Variants in ITGA8 observed in about 807,000 individuals in gnomAD.
The protein encoded by ITGA8 is integrin subunit alpha 8, also known as integrin alpha-8.
ITGA8 carries 91 observed loss-of-function variants against 142.3 expected under a neutral mutation model. The ratio of observed to expected loss-of-function variants is 0.64; its 90% CI spans 0.54 to 0.76. The LOEUF is 0.76. Ranked by LOEUF, ITGA8 falls within the 30% of genes least tolerant of loss-of-function variation. The pLI, the probability that ITGA8 is intolerant of heterozygous loss-of-function variation, is 0.00. For synonymous variants in ITGA8, 505 were observed against 485.2 expected (o/e 1.04, Z -0.54); for missense variants, 1,406 against 1,327.7 (o/e 1.06, Z -0.92).
intron 27 of ITGA8, among the ~76,000 whole-genome samples, chr10:15,544,561 G>C (rs1487501904): frequency 2.0e-5 from 3 of 152,128 alleles, no homozygotes; most frequent in African/African-American, 4.8e-5. Context: ...CTTACTCCCA[G>C]CTTTCATCTG....
chr10:15,638,221 T>C (rs1273898776), intron 13 of ITGA8, among the ~76,000 whole-genome samples: 1 of 152,218 alleles, frequency 6.6e-6, no homozygotes, highest in African/African-American at 2.4e-5. Flanking sequence ...CTTATATGTC[T>C]GTGTTTTCGG....
chr10:15,633,957 A>G (rs552211983), intron 13 of ITGA8, among the ~76,000 whole-genome samples: 2 of 152,248 alleles, frequency 1.3e-5, no homozygotes, highest in Non-Finnish European at 2.9e-5. Flanking sequence ...CCCTGATTCA[A>G]TGCTCCCTGT....
intron 11 of ITGA8, among the ~76,000 whole-genome samples, chr10:15,653,866 G>A (rs915895162): frequency 4.1e-5 from 6 of 145,054 alleles, no homozygotes; most frequent in Non-Finnish European, 7.5e-5. Context: ...ACAGAGTCTC[G>A]CTCTGTTGCC....
chr10:15,648,077 G>A (rs1422397899), intron 11 of ITGA8, among the ~76,000 whole-genome samples: 1 of 152,206 alleles, frequency 6.6e-6, no homozygotes, highest in East Asian at 1.9e-4. Flanking sequence ...AGCCAGATGG[G>A]CAGGAAGAGG....
chr10:15,641,413 T>C (rs1157285029), intron 13 of ITGA8, among the ~76,000 whole-genome samples: 1 of 152,186 alleles, frequency 6.6e-6, no homozygotes. Flanking sequence ...TCAACTGTAA[T>C]AAGAGAATCT....
At chr10:15,633,484 C>T (rs367925371) in intron 13 of ITGA8, among the ~76,000 whole-genome samples, 6 of 152,018 alleles carry the variant, frequency 3.9e-5, no homozygotes, top group Non-Finnish European at 7.4e-5. Flanking sequence ...CAGGCTGGAG[C>T]GCAGCAGCAC....
chr10:15,617,526 G>A (rs1833416639), intron 13 of ITGA8, among the ~76,000 whole-genome samples: 1 of 151,934 alleles, frequency 6.6e-6, no homozygotes, highest in African/African-American at 2.4e-5. Flanking sequence ...AGCCTCCCAA[G>A]TAGCTGGGAC....
intron 17 of ITGA8, among the ~76,000 whole-genome samples, chr10:15,607,047 T>A (rs559289818): frequency 2.4e-4 from 36 of 152,324 alleles, no homozygotes; most frequent in Non-Finnish European, 5.1e-4. Context: ...CTTTTCATTC[T>A]TGAGTGTGAT....
chr10:15,718,735 C>T (rs1485631816), intron 2 of ITGA8, 31 bp downstream of exon 2: 10 of 1,610,254 alleles, frequency 6.2e-6, no homozygotes, highest in Non-Finnish European at 8.5e-6. Flanking sequence ...CAAACCCAGG[C>T]CCACAGCTTA....
At chr10:15,674,571 G>A (rs1348975197) in intron 6 of ITGA8, among the ~76,000 whole-genome samples, 3 of 152,194 alleles carry the variant, frequency 2.0e-5, no homozygotes, top group Non-Finnish European at 4.4e-5. Flanking sequence ...ATACCAAAAT[G>A]TTAATTGTTT....
intron 11 of ITGA8, among the ~76,000 whole-genome samples, chr10:15,648,113 G>A (rs967559604): frequency 1.3e-5 from 2 of 152,140 alleles, no homozygotes; most frequent in African/African-American, 4.8e-5. Flanking sequence ...TTCACTATAA[G>A]CCTTCTAAGT....
At chr10:15,532,150 G>T (rs1010755391) in intron 27 of ITGA8, among the ~76,000 whole-genome samples, 1 of 151,910 alleles carries the variant, frequency 6.6e-6, no homozygotes, top group Non-Finnish European at 1.5e-5. Context: ...AAAGATGCCG[G>T]CCGGGCGTGG....
rs543455236 is a variant in ITGA8, at chr10:15,617,429, C to T, written c.1400-870G>A. ...TTTTTTTTCTTTTTTGACAGAGTCT[C>T]GCTCCATCGCCTAGGCTGGAGTGCC... is the stretch of plus-strand genomic sequence containing the variant. On this transcript the variant is annotated intron_variant, in intron 13 of 29. Transcript: ENST00000378076. 9.3e-5 allele frequency among the ~76,000 whole-genome samples: 14 copies of T among 150,390 alleles called. No individual in the cohort carries two copies. In the East Asian group the frequency reaches 2.3e-3, roughly 25 times the overall value.
chr10:15,658,973 T>C (rs1338065329), intron 10 of ITGA8, 26 bp downstream of exon 10: 2 of 1,434,402 alleles, frequency 1.4e-6, no homozygotes, highest in South Asian at 2.4e-5. Context: ...AGTGATTTTA[T>C]TTATTTGATA....
At chr10:15,661,950 G>T (rs1834295385) in intron 8 of ITGA8, among the ~76,000 whole-genome samples, 1 of 152,160 alleles carries the variant, frequency 6.6e-6, no homozygotes, top group Admixed American at 6.5e-5. Flanking sequence ...ACCACAATCA[G>T]ATATAATAGG....
chr10:15,526,915 C>T (rs373826723), intron 28 of ITGA8, among the ~76,000 whole-genome samples: 1 of 152,126 alleles, frequency 6.6e-6, no homozygotes, highest in East Asian at 1.9e-4. Flanking sequence ...CTTTAATATG[C>T]CTACATTTTA....
At chr10:15,592,092 A>G in intron 22 of ITGA8, 133 bp downstream of exon 22, 1 of 562,948 alleles carries the variant, frequency 1.8e-6, no homozygotes, top group Non-Finnish European at 3.2e-6. Context: ...CAAAGAAGAA[A>G]TGGGCTGTGA....
intron 2 of ITGA8, among the ~76,000 whole-genome samples, chr10:15,692,274 A>G (rs565323758): frequency 1.2e-4 from 19 of 152,246 alleles, no homozygotes; most frequent in African/African-American, 4.3e-4. Flanking sequence ...TTGAGCACCA[A>G]TTTTCATATA....
intron 7 of ITGA8, among the ~76,000 whole-genome samples, chr10:15,671,952 C>T (rs1834530845): frequency 6.6e-6 from 1 of 151,044 alleles, no homozygotes; most frequent in South Asian, 2.1e-4. Context: ...CATAATCCAC[C>T]TTGAGAGTAA....
Sources: allele counts gnomAD v4.1 joint callset (sites outside exome capture counted in the v4.1 genomes callset), GRCh38; gene constraint gnomAD v4.1.1; transcripts MANE v1.5; gene names NCBI Gene and HGNC (gene_info 2026-07-23, HGNC 2026-07-21).